Variants in CNTNAP3 observed in about 807,000 individuals in gnomAD.
The protein encoded by CNTNAP3 is contactin associated protein family member 3.
A neutral mutation model predicts 92.1 loss-of-function variants in CNTNAP3; 36 were observed. The ratio of observed to expected loss-of-function variants is 0.39; its 90% confidence interval spans 0.30 to 0.52. CNTNAP3 has a LOEUF of 0.52. CNTNAP3 is among the 20% of genes least tolerant of loss of function. The pLI is 0.76. For synonymous variants in CNTNAP3, 232 were observed against 422.3 expected (o/e 0.55, Z 5.53); for missense variants, 534 against 1,069.6 (o/e 0.50, Z 6.98).
At chr9:39,104,246 A>C (rs1327853279) in intron 15 of CNTNAP3, among the ~76,000 whole-genome samples, 1 of 152,074 alleles carries the variant, frequency 6.6e-6, no homozygotes, top group Admixed American at 6.5e-5. Flanking sequence ...TTACTGAAGA[A>C]CTCGGTAAGA....
chr9:39,129,827 A>T (rs1183601934), intron 13 of CNTNAP3, among the ~76,000 whole-genome samples: 3 of 152,160 alleles, frequency 2.0e-5, no homozygotes. Context: ...ATGAACAACA[A>T]CAAAAACACA....
chr9:39,098,974 C>CTT (rs201666622), intron 18 of CNTNAP3, among the ~76,000 whole-genome samples: 20 of 144,380 alleles, frequency 1.4e-4, no homozygotes, highest in African/African-American at 4.1e-4. Context: ...TTTTCCTTTT[C>CTT]TTTTTTTTTT....
rs1825533076 is a variant in CNTNAP3, at chr9:39,067,440, C to T, written c.*6450G>A. 6.6e-6 allele frequency among the ~76,000 whole-genome samples: 1 copy of T among 152,308 alleles called. No individual in the cohort carries two copies. Among genetic ancestry groups the T allele is most frequent in the South Asian group, 2.1e-4 (1 of 4,838 alleles). On this transcript the variant is annotated 3_prime_UTR_variant, in exon 24 of 24. Coordinates refer to ENST00000297668, the MANE Select transcript of CNTNAP3 (RefSeq NM_033655.5). The stretch of plus-strand genomic sequence containing the variant: ...TTTGATGGAGTCTGGCTCTGTTGCC[C>T]AGGCTGGAGTGCAATGGCGCAATCT...
chr9:39,072,272 G>C lies in CNTNAP3; in HGVS notation c.*1618C>G, dbSNP rs535790105. ...CATAACAAGATGGAAATTCATTTAC[G>C]TAACAGTAACGCTGAATCAATATAT... On this transcript the variant is annotated 3_prime_UTR_variant, in exon 24 of 24. Coordinates refer to ENST00000297668, the MANE Select transcript of CNTNAP3 (RefSeq NM_033655.5). Among the ~76,000 whole-genome samples, 1 of 131,656 alleles carries C rather than the reference G, an allele frequency of 7.6e-6. No individual in the cohort carries two copies. Among genetic ancestry groups the C allele is most frequent in the African/African-American group, 3.2e-5 (1 of 31,488 alleles). 86.4% of individuals were successfully genotyped at this position (131,656 alleles called of 152,430 possible). A position where few individuals can be genotyped will look rare whatever the true frequency, so the allele number is the denominator to read the frequency against.
chr9:39,080,719 T>C (rs1472352252), intron 21 of CNTNAP3, among the ~76,000 whole-genome samples: 2 of 129,380 alleles, frequency 1.5e-5, no homozygotes, highest in African/African-American at 5.9e-5. Flanking sequence ...TGGAGTGCAG[T>C]GGCGCGATCT....
chr9:39,068,243 C>CAAAAAAAAAAAAAAAAAAAAA lies in CNTNAP3; in HGVS notation c.*5626_*5646dup, dbSNP rs1198106886. On this transcript the variant is annotated 3_prime_UTR_variant, in exon 24 of 24. Transcript: ENST00000297668. ...TGAAACCTTGCCTCCACTAAAAATA[C>CAAAAAAAAAAAAAAAAAAAAA]AAAAAAAAAAAAAAAAAAAAAAATT... 1.9e-4 allele frequency among the ~76,000 whole-genome samples: 24 copies of CAAAAAAAAAAAAAAAAAAAAA among 129,348 alleles called. No homozygotes were observed. Among genetic ancestry groups the CAAAAAAAAAAAAAAAAAAAAA allele is most frequent in the East Asian group, 4.6e-4 (2 of 4,388 alleles). The allele number at this position is 129,348 out of a possible 152,430, so 84.9% of individuals were successfully genotyped here. A position where few individuals can be genotyped will look rare whatever the true frequency, so the allele number is the denominator to read the frequency against.
At chr9:39,109,843 T>C (rs1826699533) in intron 14 of CNTNAP3, among the ~76,000 whole-genome samples, 1 of 152,146 alleles carries the variant, frequency 6.6e-6, no homozygotes, top group Non-Finnish European at 1.5e-5. Flanking sequence ...TAAAATTGTC[T>C]TAGAATAATA....
chr9:39,158,061 G>T (rs1758306), intron 9 of CNTNAP3, among the ~76,000 whole-genome samples: 2 of 91,554 alleles, frequency 2.2e-5, no homozygotes, highest in East Asian at 3.5e-4. Context: ...AAACTATTAG[G>T]CACTTTGGGC....
chr9:39,112,115 C>G (rs1826761474), intron 14 of CNTNAP3, among the ~76,000 whole-genome samples: 1 of 151,556 alleles, frequency 6.6e-6, no homozygotes, highest in Admixed American at 6.6e-5. Context: ...ACCATAATCT[C>G]TTGCAGCAGT....
chr9:39,094,896 A>G (rs902513620), intron 18 of CNTNAP3, among the ~76,000 whole-genome samples: 2 of 151,572 alleles, frequency 1.3e-5, no homozygotes, highest in African/African-American at 4.8e-5. Context: ...GGGGATTCTG[A>G]TAAGAATTAG....
chr9:39,157,418 T>C (rs755008839), intron 9 of CNTNAP3, among the ~76,000 whole-genome samples: 7 of 75,094 alleles, frequency 9.3e-5, no homozygotes, highest in Non-Finnish European at 1.7e-4. Context: ...GCTCACTGTA[T>C]AAGCTCTGCC....
In CNTNAP3 at chr9:39,132,784, G is replaced by A. The variant is rs578215385; in HGVS notation, c.2080+148C>T. 94 of 973,012 alleles carry A rather than the reference G, an allele frequency of 9.7e-5. No homozygotes were observed. The African/African-American group carries it at 1.6e-3, about 16-fold the overall frequency. 60.3% of individuals were successfully genotyped at this position (973,012 alleles called of 1,614,324 possible). A position where few individuals can be genotyped will look rare whatever the true frequency, so the allele number is the denominator to read the frequency against. Reference sequence around the variant, plus strand: ...CTTGAATGCTCTTTGGTCCAACCAAGAGCGGGAAGAGAAGGAGAGAGTGGT... The same window carrying A: ...CTTGAATGCTCTTTGGTCCAACCAAAAGCGGGAAGAGAAGGAGAGAGTGGT... On this transcript the variant is annotated intron_variant, in intron 13 of 23. Coordinates refer to ENST00000297668, the MANE Select transcript of CNTNAP3 (RefSeq NM_033655.5).
At chr9:39,086,152 G>T in intron 20 of CNTNAP3, 2 of 412,886 alleles carry the variant, frequency 4.8e-6, no homozygotes, top group Non-Finnish European at 8.9e-6. Context: ...CTCATTCTGT[G>T]GAGAAAATCT....
chr9:39,131,982 T>C (rs1458471764), intron 13 of CNTNAP3, among the ~76,000 whole-genome samples: 2 of 151,608 alleles, frequency 1.3e-5, no homozygotes, highest in East Asian at 3.9e-4. Context: ...AATTAAAGAG[T>C]GAAATTTAAT....
At chr9:39,079,055 C>T (rs1172701038) in intron 21 of CNTNAP3, 135 bp from the exon 22 acceptor site, 25 of 1,364,110 alleles carry the variant, frequency 1.8e-5, no homozygotes, top group Non-Finnish European at 2.3e-5. Context: ...CGTTCCTTCA[C>T]TCCAGGAGAG....
rs560796325 is a variant in CNTNAP3 at position 39,134,156 on chromosome 9, CAGAGG to C, written c.1877-1026_1877-1022del. The stretch of plus-strand genomic sequence containing the variant: ...CTTACACACGCCTAACAACAGAGAT[CAGAGG>C]AAAGAAGGAAAAGAAAACCAGCCAT... On this transcript the variant is annotated intron_variant, in intron 12 of 23. Transcript: ENST00000297668. Among the ~76,000 whole-genome samples, 384 of 152,034 alleles carry C rather than the reference CAGAGG, an allele frequency of 2.5e-3. 4 individuals are homozygous for C. The highest frequency in any genetic ancestry group is 8.8e-3 in the African/African-American group (363 of 41,438).
chr9:39,083,431 C>T (rs192642254), intron 21 of CNTNAP3, among the ~76,000 whole-genome samples: 22 of 151,968 alleles, frequency 1.4e-4, no homozygotes, highest in Non-Finnish European at 2.1e-4. Flanking sequence ...GAGACTGAGG[C>T]GGGTGGATCA....
chr9:39,128,915 C>CA lies in CNTNAP3; in HGVS notation c.2080+4016_2080+4017insT, dbSNP rs1587722281. On this transcript the variant is annotated intron_variant, in intron 13 of 23. Coordinates refer to ENST00000297668, the MANE Select transcript of CNTNAP3 (RefSeq NM_033655.5). ...ACAGCACTTATAATCAATCAAGAAA[C>CA]TAACTAAATGCCTAAGCATACTTAT... 2.0e-5 allele frequency among the ~76,000 whole-genome samples: 3 copies of CA among 150,708 alleles called. No homozygotes were observed. The East Asian group carries it at 5.8e-4, about 29-fold the overall frequency.
intron 14 of CNTNAP3, among the ~76,000 whole-genome samples, chr9:39,116,434 C>CA (rs1820860783): frequency 6.6e-6 from 1 of 152,010 alleles, no homozygotes; most frequent in Non-Finnish European, 1.5e-5. Context: ...CGCTGTTTGT[C>CA]TCATTAGAGC....
Sources: allele counts gnomAD v4.1 joint callset (sites outside exome capture counted in the v4.1 genomes callset), GRCh38; gene constraint gnomAD v4.1.1; transcripts MANE v1.5; gene names NCBI Gene and HGNC (gene_info 2026-07-23, HGNC 2026-07-21).